Variants in ERBB4 observed in about 807,000 individuals in gnomAD.
ERBB4 encodes the protein erb-b2 receptor tyrosine kinase 4, also known as receptor tyrosine-protein kinase erbB-4.
In ERBB4, 42 loss-of-function variants were observed where a neutral mutation model predicts 158.0. The observed-to-expected ratio is 0.27, with a 90% CI of 0.21 to 0.34. The LOEUF (loss-of-function observed/expected upper bound fraction) is 0.34. Among genes scored for constraint, ERBB4 ranks in the 10% least tolerant of loss-of-function variants. ERBB4 has a pLI of 1.00. For missense variants in ERBB4, 1,333 were observed against 1,624.1 expected (o/e 0.82, Z 3.08); for synonymous variants, 583 against 558.7 (o/e 1.04, Z -0.61).
intron 1 of ERBB4, among the ~76,000 whole-genome samples, chr2:212,463,138 A>C (rs1213441842): frequency 6.6e-6 from 1 of 152,128 alleles, no homozygotes; most frequent in Non-Finnish European, 1.5e-5. Flanking sequence ...AGGTTGGTTA[A>C]GGGATGCAAA....
intron 2 of ERBB4, among the ~76,000 whole-genome samples, chr2:211,978,392 G>GTCTTTCTTTCTATCTATCTA (rs1165469722): frequency 2.0e-5 from 2 of 102,246 alleles, no homozygotes; most frequent in African/African-American, 4.1e-5. Context: ...CTGTCTGTCT[G>GTCTTTCTTTCTATCTATCTA]TCTGTCTATC....
At chr2:212,297,885 A>C (rs1357561260) in intron 1 of ERBB4, among the ~76,000 whole-genome samples, 2 of 151,686 alleles carry the variant, frequency 1.3e-5, no homozygotes, top group Non-Finnish European at 3.0e-5. Flanking sequence ...AAACTGATAA[A>C]TGCAAATTCA....
At chr2:212,507,711 G>A (rs1227445077) in intron 1 of ERBB4, among the ~76,000 whole-genome samples, 3 of 152,196 alleles carry the variant, frequency 2.0e-5, no homozygotes, top group Non-Finnish European at 4.4e-5. Flanking sequence ...ATGAACAGAT[G>A]AGGAATTGCT....
intron 1 of ERBB4, among the ~76,000 whole-genome samples, chr2:212,410,264 G>GAATT (rs1479988761): frequency 3.5e-5 from 4 of 112,980 alleles, no homozygotes; most frequent in Admixed American, 3.1e-4. Context: ...GTGTTAGTGT[G>GAATT]AGTTAGAGAG....
chr2:212,200,361 A>T (rs1201107313), intron 1 of ERBB4, among the ~76,000 whole-genome samples: 1 of 152,188 alleles, frequency 6.6e-6, no homozygotes, highest in Non-Finnish European at 1.5e-5. Flanking sequence ...AGTTATAATT[A>T]CATCTTTAGA....
intron 19 of ERBB4, among the ~76,000 whole-genome samples, chr2:211,592,646 T>A (rs1024817407): frequency 6.6e-6 from 1 of 151,988 alleles, no homozygotes; most frequent in Non-Finnish European, 1.5e-5. Flanking sequence ...AAGGGGAATC[T>A]CCCTGGATGA....
At chr2:212,256,740 C>T (rs761526091) in intron 1 of ERBB4, among the ~76,000 whole-genome samples, 11 of 152,226 alleles carry the variant, frequency 7.2e-5, no homozygotes, top group South Asian at 2.1e-4. Context: ...CAACCTGGAT[C>T]TACATGATTT....
At chr2:211,905,970 T>C (rs2079381882) in intron 3 of ERBB4, among the ~76,000 whole-genome samples, 2 of 151,440 alleles carry the variant, frequency 1.3e-5, no homozygotes, top group African/African-American at 2.4e-5. Flanking sequence ...ATGGCTGGAA[T>C]GCAGTGAGAA....
At chr2:211,458,632 G>A (rs1322047672) in intron 20 of ERBB4, among the ~76,000 whole-genome samples, 1 of 152,102 alleles carries the variant, frequency 6.6e-6, no homozygotes, top group African/African-American at 2.4e-5. Flanking sequence ...TTATTCAGAT[G>A]ACAAAAAAAT....
chr2:211,500,722 T>C (rs1188563774), intron 20 of ERBB4, among the ~76,000 whole-genome samples: 1 of 152,084 alleles, frequency 6.6e-6, no homozygotes. Context: ...ATTTCCAAAC[T>C]GGTTTTTTTT....
intron 12 of ERBB4, among the ~76,000 whole-genome samples, chr2:211,682,049 A>ATC (rs2072360128): frequency 3.4e-5 from 2 of 58,490 alleles, no homozygotes; most frequent in South Asian, 6.2e-4. Context: ...TTTTATACAC[A>ATC]TCACACACAC....
At chr2:211,683,007 T>G (rs1202418306) in intron 12 of ERBB4, among the ~76,000 whole-genome samples, 1 of 151,780 alleles carries the variant, frequency 6.6e-6, no homozygotes, top group Non-Finnish European at 1.5e-5. Context: ...TGATTTTATT[T>G]TATTTCTATT....
rs1402970012 is a variant in ERBB4 at position 211,709,258 on chromosome 2, T to TACAC, written c.1124+2791_1124+2792insGTGT. ...GTGTATATATATATATATACACATA[T>TACAC]ATATATATATATATATACATACATA... On this transcript the variant is annotated intron_variant, in intron 9 of 27. Transcript: ENST00000342788. Among the ~76,000 whole-genome samples, 535 of 103,912 alleles carry TACAC rather than the reference T, an allele frequency of 5.1e-3. 3 individuals carry two copies. Among genetic ancestry groups the TACAC allele is most frequent in the African/African-American group, 0.018 (501 of 28,234 alleles). The allele number at this position is 103,912 out of a possible 152,430, so 68.2% of individuals were successfully genotyped here. A position where few individuals can be genotyped will look rare whatever the true frequency, so the allele number is the denominator to read the frequency against.
intron 1 of ERBB4, among the ~76,000 whole-genome samples, chr2:212,341,772 T>C (rs1473677976): frequency 6.6e-6 from 1 of 152,206 alleles, no homozygotes; most frequent in Non-Finnish European, 1.5e-5. Flanking sequence ...TTCATTCTTA[T>C]CAGCTTGATC....
chr2:212,238,348 C>A (rs2083955788), intron 1 of ERBB4, among the ~76,000 whole-genome samples: 1 of 152,176 alleles, frequency 6.6e-6, no homozygotes, highest in Non-Finnish European at 1.5e-5. Flanking sequence ...TGACCCCATA[C>A]ACTGCTGTGG....
intron 2 of ERBB4, among the ~76,000 whole-genome samples, chr2:212,000,318 T>A (rs543550646): frequency 1.4e-4 from 22 of 152,016 alleles, no homozygotes; most frequent in African/African-American, 4.6e-4. Context: ...AATGAGGAAT[T>A]AGAAATCACA....
intron 1 of ERBB4, among the ~76,000 whole-genome samples, chr2:212,502,250 A>C (rs1466828274): frequency 6.6e-6 from 1 of 152,182 alleles, no homozygotes; most frequent in African/African-American, 2.4e-5. Context: ...AGCTAATGTC[A>C]AATTAAATTA....
At chr2:211,987,068 C>A (rs761542118) in intron 2 of ERBB4, among the ~76,000 whole-genome samples, 12 of 152,022 alleles carry the variant, frequency 7.9e-5, no homozygotes, top group Non-Finnish European at 1.8e-4. Flanking sequence ...CACGTGTAAT[C>A]CCAAAACTTT....
intron 4 of ERBB4, among the ~76,000 whole-genome samples, chr2:211,767,721 C>T (rs1037792699): frequency 6.6e-6 from 1 of 152,124 alleles, no homozygotes; most frequent in Non-Finnish European, 1.5e-5. Context: ...ATCACCACAG[C>T]AGCATGAGGG....
Sources: gnomAD v4.1 joint callset for allele counts (sites outside exome capture counted in the v4.1 genomes callset) on GRCh38, gnomAD v4.1.1 for gene constraint, MANE v1.5 for transcripts, NCBI Gene and HGNC (gene_info 2026-07-23, HGNC 2026-07-21) for gene names.